Variants in RSPH14 observed in about 807,000 individuals in gnomAD.
RSPH14 encodes radial spoke head 14 homolog.
A neutral mutation model predicts 26.7 loss-of-function variants in RSPH14; 20 were observed. The observed-to-expected ratio is 0.75, with a 90% confidence interval of 0.53 to 1.09. RSPH14 has a LOEUF of 1.09. Ranked by LOEUF, RSPH14 falls within the 50% of genes least tolerant of loss-of-function variation. The pLI is 0.00. For synonymous variants in RSPH14, 177 were observed against 189.3 expected, an observed-to-expected ratio of 0.93 and a Z score of 0.53; for missense variants, 449 against 457.2, an observed-to-expected ratio of 0.98 and a Z score of 0.16.
chr22:23,091,357 C>T (rs1260690945), intron 4 of RSPH14, among the ~76,000 whole-genome samples: 5 of 152,154 alleles, frequency 3.3e-5, no homozygotes, highest in Non-Finnish European at 7.4e-5. Flanking sequence ...GGCACCTATG[C>T]ATACACGCAC....
chr22:23,144,497 G>A (rs2070676264), upstream of RSPH14, among the ~76,000 whole-genome samples: 1 of 152,138 alleles, frequency 6.6e-6, no homozygotes, highest in East Asian at 1.9e-4. Context: ...GGTGCGGAAG[G>A]TGGAACAACT....
At chr22:23,078,766 A>G (rs912655442) in intron 4 of RSPH14, among the ~76,000 whole-genome samples, 5 of 152,152 alleles carry the variant, frequency 3.3e-5, no homozygotes, top group African/African-American at 1.2e-4. Flanking sequence ...GGGCCATGCA[A>G]TGTATGTGGG....
intron 4 of RSPH14, among the ~76,000 whole-genome samples, chr22:23,106,297 G>A (rs1442157354): frequency 6.6e-6 from 1 of 152,260 alleles, no homozygotes; most frequent in Non-Finnish European, 1.5e-5. Context: ...GGCCTGTGCT[G>A]GAGAACAGCA....
upstream of RSPH14, among the ~76,000 whole-genome samples, chr22:23,143,344 T>TA (rs528716887): frequency 1.3e-5 from 2 of 151,210 alleles, no homozygotes; most frequent in South Asian, 2.1e-4. Context: ...GATATAATTT[T>TA]AAAAAAAGAT....
At chr22:23,153,168 G>A in the RSPH14 span, 3 of 1,503,992 alleles carry the variant, frequency 2.0e-6, no homozygotes, top group African/African-American at 2.8e-5. Flanking sequence ...CTCGTGGGCA[G>A]CTTCCTACAG....
chr22:23,119,743 G>C (rs1315866695), intron 4 of RSPH14, among the ~76,000 whole-genome samples: 1 of 152,228 alleles, frequency 6.6e-6, no homozygotes, highest in African/African-American at 2.4e-5. Flanking sequence ...GAAGCTTCCT[G>C]TCTGAGCCCG....
intron 4 of RSPH14, chr22:23,095,975 G>A (rs574541604): frequency 1.4e-5 from 22 of 1,611,034 alleles, no homozygotes; most frequent in South Asian, 7.7e-5. Flanking sequence ...CCTCAGGATC[G>A]ACTTCCACAA....
the RSPH14 span, among the ~76,000 whole-genome samples, chr22:23,155,457 C>T: frequency 6.6e-6 from 1 of 152,204 alleles, no homozygotes; most frequent in Non-Finnish European, 1.5e-5. Flanking sequence ...CTGAGACCCA[C>T]CTATTGCTCC....
chr22:23,165,132 T>C, the RSPH14 span, among the ~76,000 whole-genome samples: 1 of 152,150 alleles, frequency 6.6e-6, no homozygotes, highest in East Asian at 1.9e-4. Context: ...AGTGACCTCA[T>C]CACCTCTACT....
the RSPH14 span, among the ~76,000 whole-genome samples, chr22:23,173,624 T>G: frequency 1.9e-5 from 2 of 106,560 alleles, no homozygotes; most frequent in African/African-American, 7.5e-5. Context: ...TATTTTTGGT[T>G]TTTTGTTTTT....
intron 4 of RSPH14, among the ~76,000 whole-genome samples, chr22:23,125,948 C>A (rs546307617): frequency 4.6e-5 from 7 of 152,320 alleles, no homozygotes; most frequent in African/African-American, 1.7e-4. Context: ...TGCACACACG[C>A]GCAGATACGC....
intron 4 of RSPH14, among the ~76,000 whole-genome samples, chr22:23,125,262 G>C (rs1356415413): frequency 6.6e-6 from 1 of 152,176 alleles, no homozygotes; most frequent in Non-Finnish European, 1.5e-5. Context: ...TGCAGTCCTG[G>C]TGTGGAGGTC....
At chr22:23,081,169 T>C (rs2068666953) in intron 4 of RSPH14, among the ~76,000 whole-genome samples, 1 of 152,174 alleles carries the variant, frequency 6.6e-6, no homozygotes, top group Admixed American at 6.6e-5. Context: ...AACCACGAGT[T>C]TGGGGACAAG....
At chr22:23,110,807 A>C (rs1601820319) in intron 4 of RSPH14, among the ~76,000 whole-genome samples, 1 of 152,184 alleles carries the variant, frequency 6.6e-6, no homozygotes. Context: ...AGCTGTTGTC[A>C]TTGACTCCTG....
chr22:23,081,481 G>C (rs1262230378), intron 4 of RSPH14, among the ~76,000 whole-genome samples: 1 of 152,102 alleles, frequency 6.6e-6, no homozygotes, highest in Non-Finnish European at 1.5e-5. Context: ...GCAACTTTTA[G>C]CCATCAACAG....
intron 4 of RSPH14, among the ~76,000 whole-genome samples, chr22:23,125,639 T>C (rs2070165377): frequency 6.6e-6 from 1 of 152,220 alleles, no homozygotes. Flanking sequence ...AATGATTTTA[T>C]GTAACACCCC....
chr22:23,144,092 C>CA (rs35499128), upstream of RSPH14, among the ~76,000 whole-genome samples: 2,583 of 24,144 alleles, frequency 0.11, 582 homozygotes, highest in African/African-American at 0.13. Flanking sequence ...GACTCCATCT[C>CA]AAAAAAAAAA....
At chr22:23,154,246 C>T in the RSPH14 span, among the ~76,000 whole-genome samples, 1 of 152,188 alleles carries the variant, frequency 6.6e-6, no homozygotes, top group African/African-American at 2.4e-5. Flanking sequence ...CCCCGCCCCC[C>T]TCCTCTCCAC....
intron 4 of RSPH14, among the ~76,000 whole-genome samples, chr22:23,106,708 C>A (rs2069489593): frequency 6.6e-6 from 1 of 152,240 alleles, no homozygotes; most frequent in African/African-American, 2.4e-5. Flanking sequence ...GTTGGCAGAG[C>A]CTGGCGCAGG....
Sources: gnomAD v4.1 joint callset for allele counts (sites outside exome capture counted in the v4.1 genomes callset) on GRCh38, gnomAD v4.1.1 for gene constraint, MANE v1.5 for transcripts, NCBI Gene and HGNC (gene_info 2026-07-23, HGNC 2026-07-21) for gene names.